Variants in CDC73 observed in about 807,000 individuals in gnomAD.
The protein encoded by CDC73 is cell division cycle 73, also known as parafibromin.
In CDC73, 21 loss-of-function variants were observed where a neutral mutation model predicts 83.7. That is an observed-to-expected ratio of 0.25 (90% confidence interval 0.18 to 0.36). The LOEUF (loss-of-function observed/expected upper bound fraction) is 0.36. CDC73 is among the 10% of genes least tolerant of loss of function. CDC73 has a pLI of 1.00. For synonymous variants in CDC73, 224 were observed against 212.9 expected, an observed-to-expected ratio of 1.05 and a Z score of -0.45; for missense variants, 342 against 653.3, an observed-to-expected ratio of 0.52 and a Z score of 5.19.
At chr1:193,172,325 AG>A (rs1325638585) in intron 10 of CDC73, among the ~76,000 whole-genome samples, 8 of 151,704 alleles carry the variant, frequency 5.3e-5, no homozygotes, top group African/African-American at 1.9e-4. Flanking sequence ...CATATGATAA[AG>A]TTATGAGGTT....
intron 10 of CDC73, among the ~76,000 whole-genome samples, chr1:193,154,505 A>T (rs16835169): frequency 0.042 from 6,384 of 152,300 alleles, 426 homozygotes; most frequent in African/African-American, 0.15. Flanking sequence ...ACTGAAGTAT[A>T]CTGAAAAGAG....
At chr1:193,122,497 G>T in intron 1 of CDC73, 166 bp downstream of exon 1, 1 of 811,620 alleles carries the variant, frequency 1.2e-6, no homozygotes, top group South Asian at 1.6e-5. Context: ...TTTAGGGTAA[G>T]GAAAGAAGGG....
intron 10 of CDC73, among the ~76,000 whole-genome samples, chr1:193,188,687 AT>A (rs1286267989): frequency 2.0e-5 from 3 of 151,938 alleles, no homozygotes; most frequent in African/African-American, 7.3e-5. Flanking sequence ...TTTTGATTGG[AT>A]TTTTTTAATG....
intron 10 of CDC73, among the ~76,000 whole-genome samples, chr1:193,193,989 G>A (rs567500853): frequency 1.3e-5 from 2 of 152,066 alleles, no homozygotes; most frequent in African/African-American, 2.4e-5. Flanking sequence ...CTATAATTCT[G>A]TGATTCCCAA....
chr1:193,202,212 T>A (rs1240660335), intron 10 of CDC73, among the ~76,000 whole-genome samples: 3 of 152,132 alleles, frequency 2.0e-5, no homozygotes, highest in Non-Finnish European at 4.4e-5. Context: ...CTGATTTTTT[T>A]AAAAATCTAG....
intron 3 of CDC73, among the ~76,000 whole-genome samples, chr1:193,133,077 ATTTTTAGTAGAGACCGGGT>A (rs1167982741): frequency 1.3e-5 from 2 of 151,392 alleles, no homozygotes; most frequent in Non-Finnish European, 2.9e-5. Flanking sequence ...AACTTTTTGT[ATTTTTAGTAGAGACCGGGT>A]TTCACTGTGT....
chr1:193,171,524 A>G (rs1380355146), intron 10 of CDC73, among the ~76,000 whole-genome samples: 2 of 152,188 alleles, frequency 1.3e-5, no homozygotes, highest in South Asian at 2.1e-4. Context: ...ACTGAGGGCT[A>G]GTTCAACCTT....
At chr1:193,235,430 A>G (rs1677740141) in intron 14 of CDC73, among the ~76,000 whole-genome samples, 1 of 152,218 alleles carries the variant, frequency 6.6e-6, no homozygotes, top group East Asian at 1.9e-4. Flanking sequence ...ATGGCACTTG[A>G]CACATAGTAA....
chr1:193,173,827 C>G, intron 10 of CDC73, among the ~76,000 whole-genome samples: 1 of 151,890 alleles, frequency 6.6e-6, no homozygotes, highest in East Asian at 1.9e-4. Context: ...TGCTTCTTTA[C>G]TAATGCATTA....
chr1:193,225,032 C>A (rs1572210451), intron 13 of CDC73, among the ~76,000 whole-genome samples: 1 of 151,770 alleles, frequency 6.6e-6, no homozygotes, highest in South Asian at 2.1e-4. Flanking sequence ...CCCTCACCCC[C>A]CTCCCACAGT....
chr1:193,244,893 A>G (rs1677926975), intron 15 of CDC73, among the ~76,000 whole-genome samples: 1 of 152,016 alleles, frequency 6.6e-6, no homozygotes, highest in African/African-American at 2.4e-5. Context: ...TAGAATATAA[A>G]CTCCCTTAGG....
chr1:193,244,955 T>C (rs1359321954), intron 15 of CDC73, among the ~76,000 whole-genome samples: 1 of 152,208 alleles, frequency 6.6e-6, no homozygotes, highest in Non-Finnish European at 1.5e-5. Context: ...CAATAATGCA[T>C]AATGTGTAGT....
chr1:193,127,343 G>T (rs1375964282), intron 2 of CDC73, among the ~76,000 whole-genome samples: 1 of 149,702 alleles, frequency 6.7e-6, no homozygotes, highest in African/African-American at 2.5e-5. Flanking sequence ...AAAGTATCCC[G>T]TCACTTAGTG....
chr1:193,212,134 T>G (rs1157060973), intron 12 of CDC73, 34 bp downstream of exon 12: 1 of 1,512,454 alleles, frequency 6.6e-7, no homozygotes, highest in Admixed American at 1.9e-5. Context: ...AACTTAACTT[T>G]AAAAAGTAAA....
At chr1:193,183,500 C>A (rs1676754272) in intron 10 of CDC73, among the ~76,000 whole-genome samples, 1 of 149,994 alleles carries the variant, frequency 6.7e-6, no homozygotes, top group South Asian at 2.1e-4. Flanking sequence ...TTCACTGTAC[C>A]AACAAAACAT....
chr1:193,196,160 A>G (rs1053417135), intron 10 of CDC73, among the ~76,000 whole-genome samples: 2 of 152,038 alleles, frequency 1.3e-5, no homozygotes, highest in Non-Finnish European at 2.9e-5. Context: ...TTTGAGTTAA[A>G]TTTGTATATA....
At chr1:193,225,825 T>G (rs1311204682) in intron 13 of CDC73, among the ~76,000 whole-genome samples, 1 of 152,182 alleles carries the variant, frequency 6.6e-6, no homozygotes. Flanking sequence ...AGGTATAGAT[T>G]ATGAAGATTT....
chr1:193,160,751 C>T (rs1048753576), intron 10 of CDC73, among the ~76,000 whole-genome samples: 8 of 151,832 alleles, frequency 5.3e-5, no homozygotes, highest in African/African-American at 1.9e-4. Flanking sequence ...AAATATTAAT[C>T]TTTAATGTCC....
chr1:193,193,455 T>C (rs993330376), intron 10 of CDC73, among the ~76,000 whole-genome samples: 1 of 152,242 alleles, frequency 6.6e-6, no homozygotes, highest in Non-Finnish European at 1.5e-5. Context: ...TACTTTTGTG[T>C]TCCCAATTGA....
Sources: gnomAD v4.1 joint callset for allele counts (sites outside exome capture counted in the v4.1 genomes callset) on GRCh38, gnomAD v4.1.1 for gene constraint, MANE v1.5 for transcripts, NCBI Gene and HGNC (gene_info 2026-07-23, HGNC 2026-07-21) for gene names.